The following TOM1L2 variants were observed in gnomAD, a reference collection of about 807,000 sequenced individuals.
TOM1L2 encodes TOM1-like protein 2.
Under a neutral mutation model 67.9 loss-of-function variants are expected in TOM1L2, and 31 were observed. The ratio of observed to expected loss-of-function variants is 0.46; its 90% CI spans 0.34 to 0.62. The LOEUF (loss-of-function observed/expected upper bound fraction) is 0.62, where lower values mean the gene tolerates loss of function less well. Among genes scored for constraint, TOM1L2 ranks in the 20% least tolerant of loss-of-function variants. The probability of loss-of-function intolerance (pLI) is 0.01; values close to 1 mark genes in which losing one functional copy is unlikely to be tolerated. For synonymous variants in TOM1L2, 256 were observed against 254.0 expected (o/e 1.01, Z -0.07); for missense variants, 606 against 663.5 (o/e 0.91, Z 0.95).
At chr17:17,937,674 A>C (rs1273695027) in intron 1 of TOM1L2, among the ~76,000 whole-genome samples, 1 of 152,192 alleles carries the variant, frequency 6.6e-6, no homozygotes, top group Non-Finnish European at 1.5e-5. Flanking sequence ...AATGACACAC[A>C]GCCCACATGC....
chr17:17,918,798 G>A (rs2039736382), intron 1 of TOM1L2, among the ~76,000 whole-genome samples: 1 of 152,232 alleles, frequency 6.6e-6, no homozygotes, highest in Admixed American at 6.5e-5. Context: ...AAATCTTACC[G>A]GCTTAATGAG....
chr17:17,858,485 C>CG (rs894838083), intron 12 of TOM1L2: 36 of 152,182 alleles, frequency 2.4e-4, no homozygotes, highest in African/African-American at 8.5e-4. Context: ...GGTGCGATCT[C>CG]GGCTCACTGC....
At chr17:17,910,990 T>C (rs548608049) in intron 1 of TOM1L2, among the ~76,000 whole-genome samples, 1 of 152,354 alleles carries the variant, frequency 6.6e-6, no homozygotes, top group African/African-American at 2.4e-5. Context: ...TGGTGTTGGC[T>C]GCTTCTGAAG....
intron 1 of TOM1L2, among the ~76,000 whole-genome samples, chr17:17,912,949 C>T (rs925835449): frequency 6.6e-6 from 1 of 152,206 alleles, no homozygotes; most frequent in East Asian, 1.9e-4. Context: ...CTCGGGAGGC[C>T]GAGGCTGGCG....
At chr17:17,898,534 G>T in intron 3 of TOM1L2, 62 bp downstream of exon 3, 1 of 1,565,622 alleles carries the variant, frequency 6.4e-7, no homozygotes, top group Non-Finnish European at 8.8e-7. Flanking sequence ...CTGTGAGGGG[G>T]GCAAGGCCAG....
intron 3 of TOM1L2, among the ~76,000 whole-genome samples, chr17:17,896,547 C>T (rs780259520): frequency 3.1e-4 from 47 of 152,212 alleles, no homozygotes; most frequent in Admixed American, 2.6e-4. Context: ...AGAGCAGCCC[C>T]AAAGCCTATC....
intron 1 of TOM1L2, among the ~76,000 whole-genome samples, chr17:17,925,918 C>T (rs1234549672): frequency 1.3e-5 from 2 of 151,008 alleles, no homozygotes; most frequent in Non-Finnish European, 1.5e-5. Flanking sequence ...TGCCCATAAT[C>T]CCAGCACTTT....
At chr17:17,922,959 C>G (rs1483231460) in intron 1 of TOM1L2, among the ~76,000 whole-genome samples, 1 of 152,120 alleles carries the variant, frequency 6.6e-6, no homozygotes, top group African/African-American at 2.4e-5. Flanking sequence ...GGCCAGGCAC[C>G]AACTAGCCTG....
At chr17:17,906,067 C>T (rs1189982433) in intron 2 of TOM1L2, among the ~76,000 whole-genome samples, 1 of 151,962 alleles carries the variant, frequency 6.6e-6, no homozygotes, top group African/African-American at 2.4e-5. Flanking sequence ...CCCTCATCTC[C>T]TTCAAGTCTT....
At chr17:17,893,551 A>G (rs889017154) in intron 4 of TOM1L2, 110 bp downstream of exon 4, 33 of 1,064,868 alleles carry the variant, frequency 3.1e-5, no homozygotes, top group Non-Finnish European at 4.4e-5. Context: ...TTTTAAATGT[A>G]GAAGTCTCCA....
At chr17:17,874,681 C>A (rs2037331901) in intron 7 of TOM1L2, among the ~76,000 whole-genome samples, 1 of 152,238 alleles carries the variant, frequency 6.6e-6, no homozygotes, top group South Asian at 2.1e-4. Flanking sequence ...ATGCAGTGAT[C>A]TCATCAACAG....
intron 1 of TOM1L2, among the ~76,000 whole-genome samples, chr17:17,959,488 G>C (rs540225942): frequency 6.6e-6 from 1 of 152,134 alleles, no homozygotes; most frequent in African/African-American, 2.4e-5. Context: ...CTTTCAACTA[G>C]AGTCTTCTGA....
intron 1 of TOM1L2, among the ~76,000 whole-genome samples, chr17:17,913,762 A>G (rs1446876971): frequency 1.3e-5 from 2 of 152,212 alleles, no homozygotes; most frequent in Admixed American, 1.3e-4. Context: ...ACCCTTCCCC[A>G]GTATCATAAG....
At chr17:17,969,910 G>A (rs909305598) in intron 1 of TOM1L2, among the ~76,000 whole-genome samples, 1 of 151,972 alleles carries the variant, frequency 6.6e-6, no homozygotes, top group Non-Finnish European at 1.5e-5. Context: ...ACCTCAGAAA[G>A]CAACACAATT....
Position 17,876,697 on chromosome 17 carries a change from C to T in TOM1L2, c.777+2930G>A, listed in dbSNP as rs534417485. 1.9e-4 allele frequency among the ~76,000 whole-genome samples: 29 copies of T among 152,316 alleles called. No individual in the cohort carries two copies. In the South Asian group the frequency reaches 5.4e-3, roughly 28 times the overall value. On this transcript the variant is annotated intron_variant, in intron 7 of 14. Coordinates refer to ENST00000379504, the MANE Select transcript of TOM1L2 (RefSeq NM_001082968.2). Reference sequence around the variant, plus strand: ...TAGAGAGGAGAAGGGGGCCTGGAGACGGCTGGTGACTTACCTGGCATCGCC... The same window carrying T: ...TAGAGAGGAGAAGGGGGCCTGGAGATGGCTGGTGACTTACCTGGCATCGCC...
intron 4 of TOM1L2, among the ~76,000 whole-genome samples, chr17:17,890,210 T>C (rs943464486): frequency 2.0e-5 from 3 of 152,102 alleles, no homozygotes; most frequent in Non-Finnish European, 4.4e-5. Flanking sequence ...ATGAAGAAGA[T>C]TGAAAACAGG....
intron 3 of TOM1L2, 105 bp downstream of exon 3, chr17:17,898,491 C>T (rs2038686112): frequency 8.4e-7 from 1 of 1,189,222 alleles, no homozygotes; most frequent in Admixed American, 1.7e-5. Context: ...CCAAGCCATT[C>T]AGAGGTTGTG....
intron 1 of TOM1L2, among the ~76,000 whole-genome samples, chr17:17,935,187 T>A (rs546617516): frequency 1.3e-5 from 2 of 152,184 alleles, no homozygotes; most frequent in Non-Finnish European, 2.9e-5. Flanking sequence ...AATAAATACA[T>A]TAATAGGCAA....
intron 1 of TOM1L2, among the ~76,000 whole-genome samples, chr17:17,956,493 C>T (rs2041453973): frequency 6.6e-6 from 1 of 152,244 alleles, no homozygotes; most frequent in Non-Finnish European, 1.5e-5. Flanking sequence ...TGGCAGTGCG[C>T]CTGCACTCCT....
Sources: gnomAD v4.1 joint callset for allele counts (sites outside exome capture counted in the v4.1 genomes callset) on GRCh38, gnomAD v4.1.1 for gene constraint, MANE v1.5 for transcripts, NCBI Gene and HGNC (gene_info 2026-07-23, HGNC 2026-07-21) for gene names.